NCOA3: variants seen among roughly 807,000 people sequenced by gnomAD.
NCOA3 encodes nuclear receptor coactivator 3.
Under a neutral mutation model 158.8 loss-of-function variants are expected in NCOA3, and 51 were observed. The observed-to-expected ratio is 0.32, with a 90% CI of 0.26 to 0.41. The LOEUF (loss-of-function observed/expected upper bound fraction) is 0.41, where lower values mean the gene tolerates loss of function less well. Among genes scored for constraint, NCOA3 ranks in the 10% least tolerant of loss-of-function variants. NCOA3 has a pLI of 1.00. For missense variants in NCOA3, 1,510 were observed against 1,746.6 expected (o/e 0.86, Z 2.41); for synonymous variants, 537 against 592.4 (o/e 0.91, Z 1.36).
rs746442935 is a variant in NCOA3 at position 47,652,411 on chromosome 20, G to C, written c.3952G>C (p.Gly1318Arg). 141 of 1,593,502 alleles carry C rather than the reference G, an allele frequency of 8.8e-5. No homozygotes were observed. In the South Asian group the frequency reaches 1.4e-3, roughly 16 times the overall value. ...QFPYQPNYGM[G>R]QQPDPAFGRV... ...TTCTGTTTTATTTTTGTAAGGAATG[G>C]GACAACAACCAGATCCAGCCTTTGG... Residue 1318 changes from glycine (G) to arginine (R), a missense_variant, in exon 21 of 23, where the codon GGA (glycine) becomes CGA (arginine). Physicochemically the swap from Gly to Arg is moderately radical, Grantham distance 125 (BLOSUM62 -2). Transcript: ENST00000371998.
chr20:47,549,581 A>T (rs1441578818), intron 1 of NCOA3, among the ~76,000 whole-genome samples: 1 of 150,456 alleles, frequency 6.6e-6, no homozygotes, highest in East Asian at 1.9e-4. Context: ...AAAAAAAAAA[A>T]GTCTTCTGTA....
chr20:47,576,404 C>T (rs1329593772), intron 1 of NCOA3, among the ~76,000 whole-genome samples: 1 of 152,128 alleles, frequency 6.6e-6, no homozygotes, highest in Non-Finnish European at 1.5e-5. Context: ...AATCCATCTC[C>T]TTTACCTGCC....
chr20:47,584,791 G>A (rs910181875), intron 2 of NCOA3, among the ~76,000 whole-genome samples: 4 of 152,046 alleles, frequency 2.6e-5, no homozygotes, highest in Non-Finnish European at 5.9e-5. Flanking sequence ...AAAAATCTGC[G>A]TATAACAGAA....
intron 1 of NCOA3, among the ~76,000 whole-genome samples, chr20:47,555,837 T>C (rs1209120579): frequency 1.3e-5 from 2 of 148,834 alleles, no homozygotes; most frequent in Admixed American, 1.4e-4. Context: ...AGAGATGGGG[T>C]TTCACCATGT....
chr20:47,512,369 G>T (rs1053404453), intron 1 of NCOA3, among the ~76,000 whole-genome samples: 1 of 151,726 alleles, frequency 6.6e-6, no homozygotes, highest in South Asian at 2.1e-4. Context: ...AAGAGATCGA[G>T]ACCATCCTGG....
chr20:47,604,893 G>T (rs564235636), intron 2 of NCOA3, among the ~76,000 whole-genome samples: 8 of 152,090 alleles, frequency 5.3e-5, no homozygotes, highest in African/African-American at 1.9e-4. Flanking sequence ...TTGAGGTGGG[G>T]TCTTGCTCTG....
intron 9 of NCOA3, 59 bp downstream of exon 9, chr20:47,633,695 C>A: frequency 6.5e-7 from 1 of 1,549,822 alleles, no homozygotes; most frequent in Non-Finnish European, 8.8e-7. Context: ...CAGGGCCTTG[C>A]TATCTTGCCC....
At chr20:47,526,004 CG>C (rs1038116203) in intron 1 of NCOA3, among the ~76,000 whole-genome samples, 3 of 150,886 alleles carry the variant, frequency 2.0e-5, no homozygotes, top group Non-Finnish European at 4.4e-5. Flanking sequence ...ACTTCCCAGA[CG>C]GGGTGGCTGC....
At chr20:47,548,840 AAAT>A (rs1410136777) in intron 1 of NCOA3, among the ~76,000 whole-genome samples, 1 of 152,224 alleles carries the variant, frequency 6.6e-6, no homozygotes, top group Non-Finnish European at 1.5e-5. Context: ...ACAAGATGTG[AAAT>A]AATATCTGTG....
At chr20:47,588,127 C>T (rs1425628468) in intron 2 of NCOA3, among the ~76,000 whole-genome samples, 1 of 146,076 alleles carries the variant, frequency 6.8e-6, no homozygotes, top group Non-Finnish European at 1.5e-5. Flanking sequence ...CTTTCTCCAC[C>T]CCACTTTTTT....
chr20:47,616,412 C>T (rs761770493), intron 2 of NCOA3, among the ~76,000 whole-genome samples: 3 of 151,694 alleles, frequency 2.0e-5, no homozygotes, highest in East Asian at 2.0e-4. Context: ...AGGCTGGTCT[C>T]GAACTCCTGA....
At chr20:47,527,538 T>G (rs1201466070) in intron 1 of NCOA3, among the ~76,000 whole-genome samples, 1 of 152,242 alleles carries the variant, frequency 6.6e-6, no homozygotes, top group African/African-American at 2.4e-5. Flanking sequence ...ATTTACCAGT[T>G]GAGCAACATT....
intron 2 of NCOA3, among the ~76,000 whole-genome samples, chr20:47,599,840 A>G (rs1382231084): frequency 6.6e-6 from 1 of 152,218 alleles, no homozygotes; most frequent in Non-Finnish European, 1.5e-5. Context: ...AAAAGATTGC[A>G]TTCTTAAAAA....
At chr20:47,561,069 C>T (rs1469038709) in intron 1 of NCOA3, among the ~76,000 whole-genome samples, 2 of 146,558 alleles carry the variant, frequency 1.4e-5, no homozygotes, top group South Asian at 2.1e-4. Flanking sequence ...GGGGCTCAGG[C>T]GATCCTCCTA....
rs2084101757 is a variant in NCOA3, at chr20:47,510,441, A to AC, written c.-99+8422_-99+8423insC. Among the ~76,000 whole-genome samples, 4 of 150,506 alleles carry AC rather than the reference A, an allele frequency of 2.7e-5. 1 individual carries two copies. The highest frequency in any genetic ancestry group is 7.3e-5 in the African/African-American group (3 of 41,022). Reference sequence around the variant, plus strand: ...GAGCAAGACTCCATCTCAAAAAAAAAAAAAAAGTACACGATCATATCTAGA... The same window carrying AC: ...GAGCAAGACTCCATCTCAAAAAAAAACAAAAAAGTACACGATCATATCTAGA... On this transcript the variant is annotated intron_variant, in intron 1 of 22. Transcript: ENST00000371998.
At position 47,634,538 on chromosome 20, in the gene NCOA3, A is replaced by G. The variant is rs1602519436; in HGVS notation, c.1112+343A>G. On this transcript the variant is annotated intron_variant, in intron 10 of 22. Transcript: ENST00000371998. Reference sequence around the variant, plus strand: ...AAATTTGAGGGTAAACTTCAAGAATAAAGGTAGTTACTGTCTGGGTTGGTA... The same window carrying G: ...AAATTTGAGGGTAAACTTCAAGAATGAAGGTAGTTACTGTCTGGGTTGGTA... Among the ~76,000 whole-genome samples, 3 of 152,324 alleles carry G rather than the reference A, an allele frequency of 2.0e-5. No homozygotes were observed. In the South Asian group the frequency reaches 6.2e-4, roughly 32 times the overall value.
Position 47,637,806 on chromosome 20 carries a change from T to G in NCOA3, c.2512+23T>G, listed in dbSNP as rs72645273. On this transcript the variant is annotated intron_variant, in intron 13 of 22. Coordinates refer to ENST00000371998, the MANE Select transcript of NCOA3 (RefSeq NM_181659.3). ...TGGGTAAGAATGAACTAGGTTTTTT[T>G]TTTTTTTGCTGCCTTTGAAACTTTT... 1.2e-4 allele frequency: 195 copies of G among 1,577,988 alleles called. 2 individuals are homozygous for G. In the African/African-American group the frequency reaches 2.3e-3, roughly 18 times the overall value.
At chr20:47,591,610 A>G (rs373375236) in intron 2 of NCOA3, among the ~76,000 whole-genome samples, 4 of 152,302 alleles carry the variant, frequency 2.6e-5, no homozygotes, top group East Asian at 3.9e-4. Flanking sequence ...TGATTGTCTC[A>G]ACTTTTATTT....
intron 1 of NCOA3, among the ~76,000 whole-genome samples, chr20:47,520,281 C>T (rs1385969572): frequency 2.6e-5 from 4 of 152,088 alleles, no homozygotes; most frequent in Admixed American, 6.6e-5. Flanking sequence ...CTGCTTCTCT[C>T]TCTGACTCTG....
Sources: gnomAD v4.1 joint callset for allele counts (sites outside exome capture counted in the v4.1 genomes callset) on GRCh38, gnomAD v4.1.1 for gene constraint, MANE v1.5 for transcripts, NCBI Gene and HGNC (gene_info 2026-07-23, HGNC 2026-07-21) for gene names.